C13orf46: variants seen among roughly 807,000 people sequenced by gnomAD.
The protein encoded by C13orf46 is uncharacterized protein C13orf46.
At chr13:113,971,968 G>A (rs2052710752) in intron 1 of C13orf46, among the ~76,000 whole-genome samples, 1 of 152,198 alleles carries the variant, frequency 6.6e-6, no homozygotes, top group Admixed American at 6.5e-5. Flanking sequence ...GGGTGCTGGT[G>A]CCTGGGGGAG....
At chr13:113,934,227 ACAC>A in the C13orf46 span, among the ~76,000 whole-genome samples, 1 of 152,230 alleles carries the variant, frequency 6.6e-6, no homozygotes, top group Non-Finnish European at 1.5e-5. Flanking sequence ...GATGCGTCGG[ACAC>A]GCACCTGCTG....
At chr13:113,964,590 C>T (rs2052618775) in intron 6 of C13orf46, among the ~76,000 whole-genome samples, 1 of 152,242 alleles carries the variant, frequency 6.6e-6, no homozygotes, top group Admixed American at 6.5e-5. Flanking sequence ...GCACTTATCA[C>T]CTCTCCCCCC....
chr13:113,958,667 C>A (rs2052562498), intron 6 of C13orf46, among the ~76,000 whole-genome samples: 1 of 152,258 alleles, frequency 6.6e-6, no homozygotes, highest in Admixed American at 6.5e-5. Context: ...GCGACAGCCT[C>A]AGTGCACAGT....
chr13:113,947,331 G>A, the C13orf46 span, among the ~76,000 whole-genome samples: 1 of 152,180 alleles, frequency 6.6e-6, no homozygotes, highest in Non-Finnish European at 1.5e-5. Flanking sequence ...CAGGGCAGGA[G>A]GGCGGACCAA....
At chr13:113,944,517 GGT>G in the C13orf46 span, among the ~76,000 whole-genome samples, 1 of 152,038 alleles carries the variant, frequency 6.6e-6, no homozygotes, top group Non-Finnish European at 1.5e-5. Context: ...GGGCCCTCCA[GGT>G]GTGTGACGGG....
the C13orf46 span, among the ~76,000 whole-genome samples, chr13:113,931,461 C>G: frequency 1.3e-5 from 2 of 152,162 alleles, no homozygotes; most frequent in Admixed American, 1.3e-4. Flanking sequence ...CAAGCAGACG[C>G]CAAGTGGAAG....
At chr13:113,971,135 G>A (rs534566738) in intron 1 of C13orf46, among the ~76,000 whole-genome samples, 3 of 152,302 alleles carry the variant, frequency 2.0e-5, no homozygotes, top group South Asian at 2.1e-4. Flanking sequence ...CAGCCGCATC[G>A]GAGCCGGGAA....
At chr13:113,941,871 GC>G in the C13orf46 span, among the ~76,000 whole-genome samples, 9 of 152,238 alleles carry the variant, frequency 5.9e-5, no homozygotes, top group African/African-American at 2.2e-4. Flanking sequence ...TCCTGCCACT[GC>G]TTTACTCTCA....
chr13:113,963,410 CCT>C (rs1272267988), intron 6 of C13orf46, among the ~76,000 whole-genome samples: 2 of 144,040 alleles, frequency 1.4e-5, no homozygotes, highest in African/African-American at 5.2e-5. Flanking sequence ...CAGCCTCGCC[CCT>C]GTCCTCAGCC....
chr13:113,959,125 A>C (rs892510837), intron 6 of C13orf46, among the ~76,000 whole-genome samples: 272 of 152,122 alleles, frequency 1.8e-3, no homozygotes, highest in South Asian at 3.9e-3. Context: ...TAAAATAAAA[A>C]ATTAGCTGGG....
downstream of C13orf46, among the ~76,000 whole-genome samples, chr13:113,953,453 G>A (rs1203465176): frequency 5.3e-5 from 8 of 149,594 alleles, no homozygotes; most frequent in East Asian, 2.0e-4. Flanking sequence ...CTCTTCCCCC[G>A]GACACTGTGA....
chr13:113,933,650 C>T, the C13orf46 span, among the ~76,000 whole-genome samples: 2 of 151,998 alleles, frequency 1.3e-5, no homozygotes, highest in Admixed American at 6.5e-5. Context: ...TTTTTCATTC[C>T]TCTCATTGAT....
intron 6 of C13orf46, among the ~76,000 whole-genome samples, chr13:113,961,666 C>T (rs940944830): frequency 2.0e-5 from 3 of 152,090 alleles, no homozygotes; most frequent in African/African-American, 7.2e-5. Context: ...ATTAAGAGCA[C>T]AATTAATGAC....
the C13orf46 span, chr13:113,927,158 G>GT: frequency 5.5e-6 from 1 of 182,450 alleles, no homozygotes; most frequent in African/African-American, 2.3e-5. Flanking sequence ...CCGCTTCCCT[G>GT]TGGGGGGAAG....
chr13:113,949,045 C>G (rs915207686), downstream of C13orf46, among the ~76,000 whole-genome samples: 280 of 152,316 alleles, frequency 1.8e-3, 1 homozygote, highest in African/African-American at 6.5e-3. Flanking sequence ...TCACCGCCCC[C>G]ACTCCTGGGA....
At chr13:113,946,485 C>T in the C13orf46 span, among the ~76,000 whole-genome samples, 8 of 152,334 alleles carry the variant, frequency 5.3e-5, no homozygotes, top group African/African-American at 1.9e-4. Flanking sequence ...GCAGGAGGAC[C>T]CAGGCCAGGA....
At chr13:113,945,650 AAG>A in the C13orf46 span, among the ~76,000 whole-genome samples, 2 of 138,372 alleles carry the variant, frequency 1.4e-5, no homozygotes, top group African/African-American at 2.6e-5. Context: ...GAAAGAAAGA[AAG>A]AAAGAAAGAA....
chr13:113,945,502 G>A, the C13orf46 span, among the ~76,000 whole-genome samples: 2 of 150,466 alleles, frequency 1.3e-5, no homozygotes, highest in East Asian at 2.0e-4. Flanking sequence ...CCGAGACTGC[G>A]CCACTGCACT....
At chr13:113,960,807 C>T (rs933272505) in intron 6 of C13orf46, among the ~76,000 whole-genome samples, 16 of 152,352 alleles carry the variant, frequency 1.1e-4, no homozygotes, top group Admixed American at 2.6e-4. Context: ...GAGGTTCCAT[C>T]GGATCTGACT....
Sources: allele counts gnomAD v4.1 joint callset (sites outside exome capture counted in the v4.1 genomes callset), GRCh38; gene constraint gnomAD v4.1.1; transcripts MANE v1.5; gene names NCBI Gene and HGNC (gene_info 2026-07-23, HGNC 2026-07-21).